The following ZNRF1 variants were observed in gnomAD, a reference collection of about 807,000 sequenced individuals.
ZNRF1 encodes zinc and ring finger 1, also known as E3 ubiquitin-protein ligase ZNRF1.
Under a neutral mutation model 18.4 loss-of-function variants are expected in ZNRF1, and 3 were observed. The ratio of observed to expected loss-of-function variants is 0.16; its 90% confidence interval spans 0.07 to 0.42. The LOEUF is 0.42. ZNRF1 is among the 10% of genes least tolerant of loss of function. The probability of loss-of-function intolerance (pLI) is 0.99; values close to 1 mark genes in which losing one functional copy is unlikely to be tolerated. For missense variants in ZNRF1, 310 were observed against 329.8 expected (o/e 0.94, Z 0.47); for synonymous variants, 157 against 144.2 (o/e 1.09, Z -0.64).
intron 1 of ZNRF1, among the ~76,000 whole-genome samples, chr16:75,056,236 A>T (rs6564199): frequency 0.084 from 12,859 of 152,258 alleles, 651 homozygotes; most frequent in Admixed American, 0.13. Context: ...CTGTAAAAGG[A>T]TCAGTTTCAT....
intron 1 of ZNRF1, among the ~76,000 whole-genome samples, chr16:75,035,671 G>A (rs1271969950): frequency 6.6e-6 from 1 of 152,174 alleles, no homozygotes; most frequent in Non-Finnish European, 1.5e-5. Context: ...TTGACTTGGG[G>A]TTTTATATGT....
At chr16:75,048,080 G>A (rs926597903) in intron 1 of ZNRF1, among the ~76,000 whole-genome samples, 4 of 151,928 alleles carry the variant, frequency 2.6e-5, no homozygotes, top group African/African-American at 9.7e-5. Context: ...AGCTTCCCAA[G>A]TAGCTGGAAC....
At position 74,999,650 on chromosome 16, in the gene ZNRF1, C is replaced by G; in HGVS notation, c.-22C>G. The G allele has an allele frequency of 5.3e-6, 7 of 1,329,790 alleles. No individual in the cohort carries two copies. Among genetic ancestry groups the G allele is most frequent in the African/African-American group, 1.5e-5 (1 of 64,826 alleles). The allele number at this position is 1,329,790 out of a possible 1,614,324, so 82.4% of individuals were successfully genotyped here. ...GAGGGTCTCGGCCTCCAGGTTCCCG[C>G]CCCACCGGGGCCCGGGCGAGCATGG... On this transcript the variant is annotated 5_prime_UTR_variant, in exon 1 of 5. Coordinates refer to ENST00000335325, the MANE Select transcript of ZNRF1 (RefSeq NM_032268.5).
chr16:75,037,647 TG>T (rs1055339441), intron 1 of ZNRF1, among the ~76,000 whole-genome samples: 9 of 152,144 alleles, frequency 5.9e-5, no homozygotes, highest in Admixed American at 1.3e-4. Context: ...CCACTCTTCT[TG>T]TTTGTGGGTA....
chr16:75,036,333 G>A (rs2035375532), intron 1 of ZNRF1, among the ~76,000 whole-genome samples: 2 of 152,110 alleles, frequency 1.3e-5, no homozygotes, highest in Admixed American at 1.3e-4. Flanking sequence ...GTTTTACCAT[G>A]TTAGCCAGGC....
chr16:75,088,994 C>T (rs2036105974), intron 1 of ZNRF1, among the ~76,000 whole-genome samples: 1 of 152,152 alleles, frequency 6.6e-6, no homozygotes, highest in Non-Finnish European at 1.5e-5. Flanking sequence ...TGGCCACCCC[C>T]TAGTGGACTC....
chr16:75,037,677 C>T (rs749961345), intron 1 of ZNRF1, among the ~76,000 whole-genome samples: 5 of 151,012 alleles, frequency 3.3e-5, no homozygotes, highest in Non-Finnish European at 4.4e-5. Context: ...CCACCCCAGA[C>T]CTTCTCTCCA....
intron 2 of ZNRF1, among the ~76,000 whole-genome samples, chr16:75,099,637 T>C (rs1294115584): frequency 6.6e-6 from 1 of 152,158 alleles, no homozygotes; most frequent in Non-Finnish European, 1.5e-5. Flanking sequence ...TGGCAGAAAG[T>C]TTGGCTTTGT....
Position 75,104,819 on chromosome 16 carries a change from A to C in ZNRF1, c.556A>C (p.Ile186Leu), listed in dbSNP as rs767618080. 1 of 1,610,828 alleles carries C rather than the reference A, an allele frequency of 6.2e-7. No individual in the cohort carries two copies. ...GACTAAAGACGCGGGTGAGTGTGTG[A>C]TCTGCCTGGAGGAGCTGCTGCAGGG... ...VLTKDAGECV[I>L]CLEELLQGDT... The change falls in exon 3 of 5, where the codon ATC (isoleucine) becomes CTC (leucine). Residue 186 changes from isoleucine (I) to leucine (L), a missense_variant. This residue lies in a region of ZNRF1 where 293 missense variants were observed against 291.2 expected (regional missense o/e 1.01). Coordinates refer to ENST00000335325, the MANE Select transcript of ZNRF1 (RefSeq NM_032268.5).
In ZNRF1 at chr16:75,092,124, C is replaced by T. The variant is rs566496422; in HGVS notation, c.425-1448C>T. On this transcript the variant is annotated intron_variant, in intron 1 of 4. Coordinates refer to ENST00000335325, the MANE Select transcript of ZNRF1 (RefSeq NM_032268.5). ...GACCAGCCTAGGCAGCATAGCAAGA[C>T]CCCATCTCTAATATTAAGAAAAAAA... Among the ~76,000 whole-genome samples the T allele has an allele frequency of 1.7e-3, 263 of 151,916 alleles. 1 individual carries two copies. The highest frequency in any genetic ancestry group is 5.6e-3 in the African/African-American group (232 of 41,400).
Position 75,037,543 on chromosome 16 carries a change from T to C in ZNRF1, c.424+37448T>C, listed in dbSNP as rs573810369. Among the ~76,000 whole-genome samples, 54 of 152,202 alleles carry C rather than the reference T, an allele frequency of 3.5e-4. 2 individuals carry two copies. The South Asian group carries it at 0.011, about 32-fold the overall frequency. On this transcript the variant is annotated intron_variant, in intron 1 of 4. Transcript: ENST00000335325. Reference sequence around the variant, plus strand: ...TAGTATAGACGGGGTTTCACCATGTTGACCACGCTGGTCTGGAACTCCTGA... The same window carrying C: ...TAGTATAGACGGGGTTTCACCATGTCGACCACGCTGGTCTGGAACTCCTGA...
At chr16:75,009,740 T>C (rs2034969528) in intron 1 of ZNRF1, among the ~76,000 whole-genome samples, 1 of 152,180 alleles carries the variant, frequency 6.6e-6, no homozygotes, top group Admixed American at 6.5e-5. Context: ...CTGCACCATT[T>C]TATATTCCTA....
At chr16:75,096,763 G>C (rs980464559) in intron 2 of ZNRF1, among the ~76,000 whole-genome samples, 8 of 152,180 alleles carry the variant, frequency 5.3e-5, no homozygotes, top group African/African-American at 1.7e-4. Flanking sequence ...CCTCCTAAAT[G>C]AGGCAGATAG....
intron 1 of ZNRF1, among the ~76,000 whole-genome samples, chr16:75,016,878 C>T (rs1181455699): frequency 6.6e-6 from 1 of 152,062 alleles, no homozygotes; most frequent in East Asian, 1.9e-4. Context: ...TGTAATAGGT[C>T]TTGCTACATG....
chr16:75,006,623 A>G (rs2145317664), intron 1 of ZNRF1, among the ~76,000 whole-genome samples: 1 of 152,208 alleles, frequency 6.6e-6, no homozygotes, highest in Admixed American at 6.5e-5. Context: ...TTTAGTAGAG[A>G]CAGGGTTTCA....
intron 1 of ZNRF1, among the ~76,000 whole-genome samples, chr16:75,014,373 C>G (rs910360777): frequency 6.6e-6 from 1 of 152,094 alleles, no homozygotes; most frequent in Admixed American, 6.6e-5. Context: ...CTGTAAACTT[C>G]ATGTAAACTG....
chr16:75,030,064 A>C (rs921568281), intron 1 of ZNRF1, among the ~76,000 whole-genome samples: 6 of 31,994 alleles, frequency 1.9e-4, no homozygotes, highest in African/African-American at 6.3e-4. Flanking sequence ...TGCTATCTCA[A>C]AAAAAAAAAA....
rs1340670734 is a variant in ZNRF1, at chr16:75,050,882, AAAAAAACAAAAAAAAAC to A, written c.425-42682_425-42666del. Among the ~76,000 whole-genome samples, 64 of 119,428 alleles carry A rather than the reference AAAAAAACAAAAAAAAAC, an allele frequency of 5.4e-4. 6 individuals are homozygous for A. The highest frequency in any genetic ancestry group is 1.3e-3 in the East Asian group (6 of 4,642). 78.3% of individuals were successfully genotyped at this position (119,428 alleles called of 152,430 possible). A position where few individuals can be genotyped will look rare whatever the true frequency, so the allele number is the denominator to read the frequency against. On this transcript the variant is annotated intron_variant, in intron 1 of 4. Transcript: ENST00000335325. ...CAAGACTCCGTCTCAAAAAAAAAAA[AAAAAAACAAAAAAAAAC>A]AAAAAACTTGTAGCCAGGTACAGTG...
intron 2 of ZNRF1, among the ~76,000 whole-genome samples, chr16:75,100,705 G>C (rs2036245676): frequency 6.6e-6 from 1 of 152,158 alleles, no homozygotes; most frequent in Admixed American, 6.5e-5. Flanking sequence ...CATGTTCCCA[G>C]GAAATCCTCC....
Sources: gnomAD v4.1 joint callset for allele counts (sites outside exome capture counted in the v4.1 genomes callset) on GRCh38, gnomAD v4.1.1 for gene constraint, gnomAD v4.1.1 regional missense constraint, MANE v1.5 for transcripts, NCBI Gene and HGNC (gene_info 2026-07-23, HGNC 2026-07-21) for gene names.